The following EPHA6 variants were observed in gnomAD, a reference collection of about 807,000 sequenced individuals.
EPHA6 encodes EPH receptor A6.
A neutral mutation model predicts 112.0 loss-of-function variants in EPHA6; 50 were observed. The observed-to-expected ratio is 0.45, with a 90% CI of 0.36 to 0.56. EPHA6 has a LOEUF of 0.56. Among genes scored for constraint, EPHA6 ranks in the 20% least tolerant of loss-of-function variants. The pLI is 0.00. For missense variants in EPHA6, 1,280 were observed against 1,417.4 expected (o/e 0.90, Z 1.56); for synonymous variants, 529 against 490.7 (o/e 1.08, Z -1.03).
At chr3:97,600,822 G>A (rs1366202732) in intron 12 of EPHA6, among the ~76,000 whole-genome samples, 2 of 150,884 alleles carry the variant, frequency 1.3e-5, no homozygotes, top group Non-Finnish European at 3.0e-5. Context: ...AAAAAGCTAC[G>A]TGATGCATTT....
At chr3:97,458,010 G>A (rs575908394) in intron 7 of EPHA6, among the ~76,000 whole-genome samples, 3 of 139,852 alleles carry the variant, frequency 2.1e-5, no homozygotes, top group African/African-American at 7.8e-5. Context: ...GGAGCTTGCA[G>A]TGAGCCGAGA....
chr3:96,829,794 T>G (rs1460700512), intron 1 of EPHA6, among the ~76,000 whole-genome samples: 1 of 152,056 alleles, frequency 6.6e-6, no homozygotes, highest in Non-Finnish European at 1.5e-5. Flanking sequence ...TATTAATACA[T>G]AGGAAATGGA....
At chr3:97,681,837 G>C (rs1353045137) in intron 14 of EPHA6, among the ~76,000 whole-genome samples, 1 of 152,026 alleles carries the variant, frequency 6.6e-6, no homozygotes, top group Non-Finnish European at 1.5e-5. Flanking sequence ...AAACTCAACA[G>C]TTCCTACTGA....
intron 3 of EPHA6, among the ~76,000 whole-genome samples, chr3:97,187,676 A>AGAAAGAAG (rs2077180849): frequency 1.1e-4 from 10 of 88,320 alleles, no homozygotes; most frequent in Non-Finnish European, 1.8e-4. Flanking sequence ...AGAAAGAAAG[A>AGAAAGAAG]GAAAGAAAGA....
rs2045325103 is a variant in EPHA6, at chr3:97,041,801, G to A, written c.1114+53808G>A. Among the ~76,000 whole-genome samples the A allele has an allele frequency of 3.9e-5, 6 of 151,962 alleles. No homozygotes were observed. The South Asian group carries it at 1.2e-3, about 32-fold the overall frequency. ...AAAGGGAGAGAGAGTGAAGGGAGAG[G>A]GCTACACACTTTTAAACAACCGGAT... is the stretch of plus-strand genomic sequence containing the variant. On this transcript the variant is annotated intron_variant, in intron 3 of 17. Coordinates refer to ENST00000389672, the MANE Select transcript of EPHA6 (RefSeq NM_001080448.3).
chr3:97,633,582 G>T (rs2093921684), intron 13 of EPHA6, among the ~76,000 whole-genome samples: 1 of 152,026 alleles, frequency 6.6e-6, no homozygotes, highest in Admixed American at 6.6e-5. Flanking sequence ...TGCTGTAATA[G>T]AACTGCTACA....
At chr3:97,487,652 G>T (rs1477712699) in intron 10 of EPHA6, among the ~76,000 whole-genome samples, 3 of 151,964 alleles carry the variant, frequency 2.0e-5, no homozygotes, top group East Asian at 3.8e-4. Context: ...AATTTCACTG[G>T]TTTTTTATAA....
intron 14 of EPHA6, among the ~76,000 whole-genome samples, chr3:97,701,697 C>A (rs1437177341): frequency 1.3e-5 from 2 of 151,060 alleles, no homozygotes; most frequent in African/African-American, 4.9e-5. Context: ...CAATGATATA[C>A]CTACCTTCTT....
At chr3:97,524,648 T>A (rs2092593070) in intron 10 of EPHA6, among the ~76,000 whole-genome samples, 1 of 152,164 alleles carries the variant, frequency 6.6e-6, no homozygotes, top group African/African-American at 2.4e-5. Flanking sequence ...TAAGCATTTC[T>A]TATAAGGCCA....
Position 97,209,389 on chromosome 3 carries a change from G to A in EPHA6, c.1115-16875G>A, listed in dbSNP as rs557337251. On this transcript the variant is annotated intron_variant, in intron 3 of 17. Coordinates refer to ENST00000389672, the MANE Select transcript of EPHA6 (RefSeq NM_001080448.3). Reference sequence around the variant, plus strand: ...ATAAGAATCAGAGACACCTGGCTTCGAGAGCCTGGCTTGCTTACGTATCAT... The same window carrying A: ...ATAAGAATCAGAGACACCTGGCTTCAAGAGCCTGGCTTGCTTACGTATCAT... 2.6e-3 allele frequency among the ~76,000 whole-genome samples: 394 copies of A among 152,156 alleles called. 1 individual carries two copies. Among genetic ancestry groups the A allele is most frequent in the African/African-American group, 4.9e-3 (205 of 41,518 alleles).
In EPHA6 at chr3:96,926,761, CT is replaced by C. The variant is rs1445521716; in HGVS notation, c.450+59873del. 2.0e-5 allele frequency among the ~76,000 whole-genome samples: 3 copies of C among 152,200 alleles called. No individual in the cohort carries two copies. The East Asian group carries it at 5.8e-4, about 29-fold the overall frequency. ...AGGACATGCTGATGCAAGGGGTGGG[CT>C]CCCATGGCCTTGGCTTTGCAGGGTA... is the stretch of plus-strand genomic sequence containing the variant. On this transcript the variant is annotated intron_variant, in intron 2 of 17. Coordinates refer to ENST00000389672, the MANE Select transcript of EPHA6 (RefSeq NM_001080448.3).
rs2035995449 is a variant in EPHA6, at chr3:97,755,094, G to C, written c.*6393G>C. The stretch of plus-strand genomic sequence containing the variant: ...GTAACAAATCTCTACATCATTAAGA[G>C]AACTTTTGATTTGTTTCATTATAGA... On this transcript the variant is annotated 3_prime_UTR_variant, in exon 18 of 18. Transcript: ENST00000389672. Among the ~76,000 whole-genome samples, 1 of 152,144 alleles carries C rather than the reference G, an allele frequency of 6.6e-6. No homozygotes were observed. The highest frequency in any genetic ancestry group is 2.4e-5 in the African/African-American group (1 of 41,434).
intron 5 of EPHA6, among the ~76,000 whole-genome samples, chr3:97,246,424 T>C (rs2078988674): frequency 6.6e-6 from 1 of 151,814 alleles, no homozygotes; most frequent in Non-Finnish European, 1.5e-5. Context: ...AAAATATAAG[T>C]TGTTTTTCAC....
chr3:97,368,379 A>G (rs1458476300), intron 5 of EPHA6, among the ~76,000 whole-genome samples: 4 of 152,170 alleles, frequency 2.6e-5, no homozygotes, highest in Non-Finnish European at 1.5e-5. Context: ...GAAGTCAACA[A>G]TACTTCATCG....
At chr3:97,162,801 T>C (rs2076447000) in intron 3 of EPHA6, among the ~76,000 whole-genome samples, 1 of 152,190 alleles carries the variant, frequency 6.6e-6, no homozygotes, top group Non-Finnish European at 1.5e-5. Context: ...GTTTATATGA[T>C]TCAGGCTTGA....
chr3:97,340,218 A>C (rs1043504077), intron 5 of EPHA6, among the ~76,000 whole-genome samples: 1 of 152,136 alleles, frequency 6.6e-6, no homozygotes, highest in Non-Finnish European at 1.5e-5. Context: ...TCTTGACCAA[A>C]GGCCTTTGTA....
intron 2 of EPHA6, among the ~76,000 whole-genome samples, chr3:96,964,720 T>G (rs187435265): frequency 6.6e-6 from 1 of 152,294 alleles, no homozygotes; most frequent in East Asian, 1.9e-4. Flanking sequence ...CTTATCCGTT[T>G]CCAGTTATAG....
chr3:97,141,674 A>T (rs2075908680), intron 3 of EPHA6, among the ~76,000 whole-genome samples: 1 of 152,058 alleles, frequency 6.6e-6, no homozygotes, highest in African/African-American at 2.4e-5. Context: ...GGAAATGGCA[A>T]AAGCAGAGCT....
intron 14 of EPHA6, among the ~76,000 whole-genome samples, chr3:97,719,375 T>A (rs2034410514): frequency 6.6e-6 from 1 of 152,042 alleles, no homozygotes; most frequent in Non-Finnish European, 1.5e-5. Context: ...TGGGAGCCGC[T>A]CATTGTTCTC....
Sources: gnomAD v4.1 joint callset for allele counts (sites outside exome capture counted in the v4.1 genomes callset) on GRCh38, gnomAD v4.1.1 for gene constraint, MANE v1.5 for transcripts, NCBI Gene and HGNC (gene_info 2026-07-23, HGNC 2026-07-21) for gene names.